Variants in UBA2 observed in about 807,000 individuals in gnomAD.
UBA2 encodes SUMO-activating enzyme subunit 2.
UBA2 carries 11 observed loss-of-function variants against 77.2 expected under a neutral mutation model. The ratio of observed to expected loss-of-function variants is 0.14; its 90% CI spans 0.09 to 0.24. UBA2 has a LOEUF of 0.24. Among genes scored for constraint, UBA2 ranks in the 10% least tolerant of loss-of-function variants. UBA2 has a pLI of 1.00. For missense variants in UBA2, 487 were observed against 781.7 expected (o/e 0.62, Z 4.50); for synonymous variants, 278 against 276.7 (o/e 1.00, Z -0.05).
intron 5 of UBA2, among the ~76,000 whole-genome samples, chr19:34,435,989 G>A (rs547064994): frequency 2.0e-5 from 3 of 151,766 alleles, no homozygotes; most frequent in Admixed American, 2.0e-4. Context: ...GCGTGGTGGT[G>A]TGCACCTGTA....
intron 9 of UBA2, among the ~76,000 whole-genome samples, chr19:34,451,536 G>GTT (rs773178552): frequency 0.031 from 1,978 of 62,998 alleles, 524 homozygotes; most frequent in Middle Eastern, 0.077. Flanking sequence ...AGGTTTAACA[G>GTT]TTTTTTTTTT....
intron 2 of UBA2, 94 bp from the exon 3 acceptor site, chr19:34,431,767 C>G: frequency 1.9e-6 from 2 of 1,053,242 alleles, no homozygotes; most frequent in Non-Finnish European, 2.9e-6. Flanking sequence ...AAATAAGGTA[C>G]TATGTAAGTA....
chr19:34,443,628 G>C (rs1033349502), intron 6 of UBA2, among the ~76,000 whole-genome samples: 1 of 151,952 alleles, frequency 6.6e-6, no homozygotes, highest in Non-Finnish European at 1.5e-5. Flanking sequence ...TTTTGGTAGA[G>C]ACGAGGTTTC....
At chr19:34,454,788 C>T (rs74551767) in intron 12 of UBA2, among the ~76,000 whole-genome samples, 1 of 152,180 alleles carries the variant, frequency 6.6e-6, no homozygotes, top group African/African-American at 2.4e-5. Context: ...TTACTGAATT[C>T]TTCGAAGAAT....
In UBA2 at chr19:34,441,889, C is replaced by T. The variant is rs544589054; in HGVS notation, c.582-1955C>T. Among the ~76,000 whole-genome samples the T allele has an allele frequency of 1.3e-3, 202 of 150,862 alleles. 2 individuals carry two copies. Among genetic ancestry groups the T allele is most frequent in the Admixed American group, 1.3e-3 (20 of 14,990 alleles). ...TGAATGGAGATCATGCTACTGCACT[C>T]CAACCTGGGGGACAGAGCGAGACTG... On this transcript the variant is annotated intron_variant, in intron 6 of 16. Coordinates refer to ENST00000246548, the MANE Select transcript of UBA2 (RefSeq NM_005499.3).
Position 34,450,289 on chromosome 19 carries a change from C to G in UBA2, c.796C>G (p.Leu266Val), listed in dbSNP as rs762279906. The part of the protein sequence containing the change: ...TKLFKDDIRY[L>V]LTMDKLWRKR... ...GCTTTTTAAAGATGACATCAGGTAT[C>G]TGTTGACAATGGACAAACTATGGCG... is the stretch of plus-strand genomic sequence containing the variant. Residue 266 changes from leucine to valine, a missense_variant, in exon 9 of 17, where the codon CTG (leucine) becomes GTG (valine). Physicochemically the swap from Leu to Val is conservative, Grantham distance 32. This residue lies in a region of UBA2 where 300 missense variants were observed against 454.3 expected (regional missense o/e 0.66). Coordinates refer to ENST00000246548, the MANE Select transcript of UBA2 (RefSeq NM_005499.3). 1 of 1,611,366 alleles carries G rather than the reference C, an allele frequency of 6.2e-7. No individual in the cohort carries two copies. The highest frequency in any genetic ancestry group is 1.7e-5 in the Admixed American group (1 of 59,240).
intron 13 of UBA2, 83 bp from the exon 14 acceptor site, chr19:34,460,387 A>G: frequency 1.1e-6 from 1 of 905,258 alleles, no homozygotes; most frequent in Non-Finnish European, 1.7e-6. Flanking sequence ...GGGGAAAGTA[A>G]GAGCCTTTAT....
At chr19:34,452,727 C>G (rs977441783) in intron 10 of UBA2, among the ~76,000 whole-genome samples, 1 of 152,058 alleles carries the variant, frequency 6.6e-6, no homozygotes, top group Non-Finnish European at 1.5e-5. Context: ...AGTGTTTTAT[C>G]TCATGAAGCT....
chr19:34,439,452 A>G (rs997857834), intron 6 of UBA2, among the ~76,000 whole-genome samples: 15 of 152,352 alleles, frequency 9.8e-5, no homozygotes, highest in Non-Finnish European at 1.9e-4. Flanking sequence ...ATTTACATAC[A>G]TGAAGAAAGG....
At chr19:34,468,324 C>T (rs2075708450) in intron 16 of UBA2, among the ~76,000 whole-genome samples, 1 of 152,080 alleles carries the variant, frequency 6.6e-6, no homozygotes, top group Admixed American at 6.5e-5. Flanking sequence ...TTTTTCCCCC[C>T]TCACTGAAAT....
Position 34,442,838 on chromosome 19 carries a change from C to G in UBA2, c.582-1006C>G, listed in dbSNP as rs114174223. On this transcript the variant is annotated intron_variant, in intron 6 of 16. Coordinates refer to ENST00000246548, the MANE Select transcript of UBA2 (RefSeq NM_005499.3). ...CTACTATTTTGCACTCACTAGTTGG[C>G]AAAGCGTTAATTTTAGGAAGTGTTA... Among the ~76,000 whole-genome samples the G allele has an allele frequency of 4.2e-3, 637 of 152,234 alleles. 8 individuals carry two copies. Among genetic ancestry groups the G allele is most frequent in the African/African-American group, 0.015 (618 of 41,550 alleles).
At chr19:34,433,208 C>A in intron 3 of UBA2, 140 bp from the exon 4 acceptor site, 1 of 592,054 alleles carries the variant, frequency 1.7e-6, no homozygotes. Context: ...AAGAGTCAAA[C>A]CTTACTATCT....
At position 34,469,108 on chromosome 19, in the gene UBA2, A is replaced by G. The variant is rs1366666371; in HGVS notation, c.1810A>G (p.Ser604Gly). The G allele has an allele frequency of 8.1e-6, 13 of 1,613,566 alleles. No individual in the cohort carries two copies. In the Admixed American group the frequency reaches 8.3e-5, roughly 10 times the overall value. The change falls in exon 17 of 17, where the codon AGT becomes GGT. Residue 604 changes from serine to glycine, a missense_variant. Around this residue, in one of 9 missense-constraint regions of UBA2, gnomAD observed 40 missense variants for 36.6 expected, o/e 1.09. Coordinates refer to ENST00000246548, the MANE Select transcript of UBA2 (RefSeq NM_005499.3). The part of the protein sequence containing the change: ...EEDSSNNADV[S>G]EEERSRKRKL... ...AGATTCTTCAAATAATGCCGACGTC[A>G]GTGAAGAAGAGAGAAGCCGCAAGAG... is the stretch of plus-strand genomic sequence containing the variant.
chr19:34,429,138 T>C (rs1207409854), intron 1 of UBA2: 1 of 983,298 alleles, frequency 1.0e-6, no homozygotes, highest in African/African-American at 1.7e-5. Context: ...GGAGACGCAA[T>C]GGGGTTGAGT....
At chr19:34,467,619 AC>A (rs1297466195) in intron 16 of UBA2, among the ~76,000 whole-genome samples, 6 of 152,178 alleles carry the variant, frequency 3.9e-5, no homozygotes, top group African/African-American at 7.2e-5. Context: ...TACTAAAAAT[AC>A]AAAAAATTAG....
In UBA2 at chr19:34,454,528, T is replaced by C; in HGVS notation, c.1217T>C (p.Leu406Ser). ...GLIVLEGLKI[L>S]SGKIDQCRTI... Reference sequence around the variant, plus strand: ...ATAGTATTGGAAGGATTGAAGATTTTATCAGGAAAAATAGACCAGTGCAGA... The same window carrying C: ...ATAGTATTGGAAGGATTGAAGATTTCATCAGGAAAAATAGACCAGTGCAGA... The change falls in exon 12 of 17, where the codon TTA (leucine) becomes TCA (serine). Residue 406 changes from leucine (L) to serine (S), a missense_variant. By Grantham distance (145) the Leu-to-Ser change is moderately radical. This residue lies in a region of UBA2 where 300 missense variants were observed against 454.3 expected (regional missense o/e 0.66). Coordinates refer to ENST00000246548, the MANE Select transcript of UBA2 (RefSeq NM_005499.3). The C allele has an allele frequency of 6.2e-7, 1 of 1,606,718 alleles. No homozygotes were observed. The highest frequency in any genetic ancestry group is 8.5e-7 in the Non-Finnish European group (1 of 1,175,894).
chr19:34,455,514 C>T (rs969830570), intron 12 of UBA2, among the ~76,000 whole-genome samples: 4 of 152,110 alleles, frequency 2.6e-5, no homozygotes, highest in Non-Finnish European at 5.9e-5. Context: ...AAATACTAGC[C>T]AATACTTTGA....
rs1568390183 is a variant in UBA2, at chr19:34,470,537, T to G, written c.*1316T>G. 1 of 152,152 alleles carries G rather than the reference T, an allele frequency of 6.6e-6. No individual in the cohort carries two copies. The highest frequency in any genetic ancestry group is 6.6e-5 in the Admixed American group (1 of 15,262). 9.4% of individuals were successfully genotyped at this position (152,152 alleles called of 1,614,324 possible). A position where few individuals can be genotyped will look rare whatever the true frequency, so the allele number is the denominator to read the frequency against. ...TAATGGCAGTGGGTTTTTTGTTCGTTTTTGAGATGAAGCCTCACACTGTCA... is the reference window on the plus strand; with the variant it reads ...TAATGGCAGTGGGTTTTTTGTTCGTGTTTGAGATGAAGCCTCACACTGTCA... On this transcript the variant is annotated 3_prime_UTR_variant, in exon 17 of 17. Coordinates refer to ENST00000246548, the MANE Select transcript of UBA2 (RefSeq NM_005499.3).
intron 14 of UBA2, among the ~76,000 whole-genome samples, chr19:34,461,378 G>C (rs1292783525): frequency 1.3e-5 from 2 of 152,168 alleles, no homozygotes; most frequent in South Asian, 2.1e-4. Flanking sequence ...CTTCTTGGTT[G>C]TAGTTGCTTG....
Sources: allele counts gnomAD v4.1 joint callset (sites outside exome capture counted in the v4.1 genomes callset), GRCh38; gene constraint gnomAD v4.1.1; regional missense constraint gnomAD v4.1.1; transcripts MANE v1.5; gene names NCBI Gene and HGNC (gene_info 2026-07-23, HGNC 2026-07-21).